VAT1L: variants seen among roughly 807,000 people sequenced by gnomAD.
VAT1L encodes vesicle amine transport 1 like.
VAT1L carries 34 observed loss-of-function variants against 44.1 expected under a neutral mutation model. The ratio of observed to expected loss-of-function variants is 0.77; its 90% confidence interval spans 0.59 to 1.03. The LOEUF (loss-of-function observed/expected upper bound fraction) is 1.03. VAT1L is among the 50% of genes least tolerant of loss of function. The pLI is 0.00. For missense variants in VAT1L, 615 were observed against 538.8 expected, an observed-to-expected ratio of 1.14 and a Z score of -1.40; for synonymous variants, 253 against 202.2, an observed-to-expected ratio of 1.25 and a Z score of -2.13.
intron 8 of VAT1L, among the ~76,000 whole-genome samples, chr16:77,972,647 G>A (rs1013226265): frequency 1.9e-4 from 29 of 152,118 alleles, no homozygotes; most frequent in African/African-American, 7.0e-4. Flanking sequence ...CGGGTGTGGT[G>A]TCAGGTGCCT....
At chr16:77,905,776 A>G (rs1597092289) in intron 7 of VAT1L, among the ~76,000 whole-genome samples, 1 of 152,268 alleles carries the variant, frequency 6.6e-6, no homozygotes, top group East Asian at 1.9e-4. Context: ...TGAAGCGTTT[A>G]TAAGCTTATC....
chr16:77,968,451 C>T (rs994352080), intron 7 of VAT1L, among the ~76,000 whole-genome samples: 8 of 152,128 alleles, frequency 5.3e-5, no homozygotes, highest in Non-Finnish European at 1.0e-4. Context: ...ATGGGCTGGG[C>T]GCGGTGGCTC....
In VAT1L at chr16:77,812,379, G is replaced by C. The variant is rs545480830; in HGVS notation, c.234-4542G>C. Among the ~76,000 whole-genome samples, 3 of 152,026 alleles carry C rather than the reference G, an allele frequency of 2.0e-5. No individual in the cohort carries two copies. In the South Asian group the frequency reaches 6.2e-4, roughly 32 times the overall value. On this transcript the variant is annotated intron_variant, in intron 1 of 8. Transcript: ENST00000302536. ...TGAGCCACCATGCCCTGCCGTTCCC[G>C]AATCTTAAAACTCTTGATTTTAGTA... is the stretch of plus-strand genomic sequence containing the variant.
chr16:77,921,523 A>C (rs1110752), intron 7 of VAT1L, among the ~76,000 whole-genome samples: 12,736 of 152,042 alleles, frequency 0.084, 675 homozygotes, highest in South Asian at 0.17. Context: ...TTACATTCCT[A>C]TTTTTGCATC....
intron 7 of VAT1L, among the ~76,000 whole-genome samples, chr16:77,968,171 G>C (rs532452841): frequency 6.6e-6 from 1 of 152,026 alleles, no homozygotes; most frequent in African/African-American, 2.4e-5. Context: ...GGGGAATCTG[G>C]GCACAGCTTA....
intron 7 of VAT1L, among the ~76,000 whole-genome samples, chr16:77,946,276 G>GCTCTTTTTTTTTTTTTT (rs1441996306): frequency 5.6e-4 from 19 of 33,862 alleles, no homozygotes; most frequent in Non-Finnish European, 9.6e-4. Flanking sequence ...TAGGTTACTT[G>GCTCTTTTTTTTTTTTTT]TTCTTTTTTT....
chr16:77,824,004 CAA>C (rs1365904475), intron 2 of VAT1L, among the ~76,000 whole-genome samples: 17 of 151,926 alleles, frequency 1.1e-4, no homozygotes, highest in Admixed American at 1.3e-4. Context: ...GCCTGGGAAA[CAA>C]GAGCGAAACT....
At chr16:77,852,178 C>T (rs1482136105) in intron 3 of VAT1L, among the ~76,000 whole-genome samples, 1 of 152,204 alleles carries the variant, frequency 6.6e-6, no homozygotes, top group African/African-American at 2.4e-5. Context: ...CTCAAACATA[C>T]CATGAGGTGA....
chr16:77,839,925 T>A (rs956317006), intron 3 of VAT1L, among the ~76,000 whole-genome samples: 3 of 152,218 alleles, frequency 2.0e-5, no homozygotes, highest in African/African-American at 7.2e-5. Context: ...GTCATTTATG[T>A]CTATGATGGC....
chr16:77,877,782 T>G (rs149187322), intron 5 of VAT1L, among the ~76,000 whole-genome samples: 20 of 152,272 alleles, frequency 1.3e-4, no homozygotes, highest in Admixed American at 1.3e-4. Context: ...AGCATTTTTT[T>G]GTCATCTTCA....
chr16:77,967,518 C>T (rs976894291), intron 7 of VAT1L, among the ~76,000 whole-genome samples: 3 of 152,154 alleles, frequency 2.0e-5, no homozygotes, highest in South Asian at 2.1e-4. Context: ...ATGCACACAG[C>T]GTGAATAGGA....
At chr16:77,974,382 C>A (rs2018313053) in intron 8 of VAT1L, among the ~76,000 whole-genome samples, 1 of 152,158 alleles carries the variant, frequency 6.6e-6, no homozygotes, top group Non-Finnish European at 1.5e-5. Flanking sequence ...AATTTCCCAC[C>A]CTGGGATGCT....
At chr16:77,815,828 C>T (rs1340006851) in intron 1 of VAT1L, among the ~76,000 whole-genome samples, 5 of 150,780 alleles carry the variant, frequency 3.3e-5, no homozygotes, top group African/African-American at 9.8e-5. Context: ...ATTAGCCAGG[C>T]GAGTTGGTGT....
chr16:77,865,274 T>G (rs930812552), intron 4 of VAT1L, among the ~76,000 whole-genome samples: 3 of 152,204 alleles, frequency 2.0e-5, no homozygotes, highest in African/African-American at 7.2e-5. Context: ...CGGTCAGTTC[T>G]TCCTATCTTT....
At chr16:77,966,216 T>G (rs1340609214) in intron 7 of VAT1L, among the ~76,000 whole-genome samples, 2 of 152,222 alleles carry the variant, frequency 1.3e-5, no homozygotes, top group African/African-American at 4.8e-5. Flanking sequence ...ATATTTATTT[T>G]AGATGGCACT....
At chr16:77,940,263 C>G (rs1163563490) in intron 7 of VAT1L, among the ~76,000 whole-genome samples, 1 of 151,774 alleles carries the variant, frequency 6.6e-6, no homozygotes, top group Non-Finnish European at 1.5e-5. Context: ...GTGCTATCAA[C>G]TGACTTACTG....
At chr16:77,823,328 C>G (rs527491259) in intron 2 of VAT1L, among the ~76,000 whole-genome samples, 6 of 152,128 alleles carry the variant, frequency 3.9e-5, no homozygotes, top group Admixed American at 3.9e-4. Flanking sequence ...GAAATATTAT[C>G]CCTTCCAAGT....
At chr16:77,933,472 C>T (rs2017755537) in intron 7 of VAT1L, among the ~76,000 whole-genome samples, 4 of 152,216 alleles carry the variant, frequency 2.6e-5, no homozygotes, top group Non-Finnish European at 5.9e-5. Context: ...AGACACTGCT[C>T]TCCTAGAATT....
chr16:77,934,518 C>A (rs182242045), intron 7 of VAT1L, among the ~76,000 whole-genome samples: 201 of 152,236 alleles, frequency 1.3e-3, no homozygotes, highest in Non-Finnish European at 6.8e-4. Flanking sequence ...GCCCAGCTGA[C>A]ACCTTGATTT....
Sources: gnomAD v4.1 joint callset for allele counts (sites outside exome capture counted in the v4.1 genomes callset) on GRCh38, gnomAD v4.1.1 for gene constraint, MANE v1.5 for transcripts, NCBI Gene and HGNC (gene_info 2026-07-23, HGNC 2026-07-21) for gene names.